The following LRMDA variants were observed in gnomAD, a reference collection of about 807,000 sequenced individuals.
LRMDA encodes leucine-rich melanocyte differentiation-associated protein.
LRMDA carries 18 observed loss-of-function variants against 29.8 expected under a neutral mutation model. The observed-to-expected ratio is 0.60, with a 90% CI of 0.42 to 0.90. The LOEUF (loss-of-function observed/expected upper bound fraction) is 0.90. Among genes scored for constraint, LRMDA ranks in the 40% least tolerant of loss-of-function variants. LRMDA has a pLI of 0.00. For synonymous variants in LRMDA, 125 were observed against 109.4 expected, an observed-to-expected ratio of 1.14 and a Z score of -0.89; for missense variants, 273 against 273.9, an observed-to-expected ratio of 1.00 and a Z score of 0.02.
intron 2 of LRMDA, among the ~76,000 whole-genome samples, chr10:75,846,515 G>A (rs1485036566): frequency 1.3e-5 from 2 of 152,140 alleles, no homozygotes; most frequent in African/African-American, 4.8e-5. Context: ...GCTCAAGGTG[G>A]TCATAGCACT....
chr10:76,275,199 T>A (rs1344259089), intron 5 of LRMDA, among the ~76,000 whole-genome samples: 2 of 152,096 alleles, frequency 1.3e-5, no homozygotes, highest in African/African-American at 4.8e-5. Context: ...CATTGTTTCC[T>A]TGTATTGAAT....
chr10:75,779,782 C>A (rs1589197673), intron 2 of LRMDA, among the ~76,000 whole-genome samples: 1 of 152,142 alleles, frequency 6.6e-6, no homozygotes, highest in African/African-American at 2.4e-5. Context: ...GATCATGAGA[C>A]CTCCAAGGTT....
chr10:75,705,080 T>C (rs1842350645), intron 2 of LRMDA, among the ~76,000 whole-genome samples: 1 of 152,170 alleles, frequency 6.6e-6, no homozygotes, highest in Admixed American at 6.5e-5. Context: ...AATTTGTTGT[T>C]GTTATTGCTA....
At chr10:75,797,845 C>T (rs1018161125) in intron 2 of LRMDA, among the ~76,000 whole-genome samples, 30 of 152,146 alleles carry the variant, frequency 2.0e-4, no homozygotes, top group African/African-American at 7.2e-4. Flanking sequence ...CTTGTGTTGA[C>T]ATATATTTCA....
At chr10:75,868,249 A>G (rs1845052307) in intron 2 of LRMDA, among the ~76,000 whole-genome samples, 1 of 152,200 alleles carries the variant, frequency 6.6e-6, no homozygotes, top group Non-Finnish European at 1.5e-5. Context: ...AATGAAGACA[A>G]TGCTGGGCTC....
chr10:75,678,437 G>C (rs1589155056), intron 2 of LRMDA, among the ~76,000 whole-genome samples: 2 of 152,278 alleles, frequency 1.3e-5, no homozygotes, highest in South Asian at 2.1e-4. Flanking sequence ...AATAGAATTA[G>C]TCACTTTCTA....
At chr10:75,975,672 C>T (rs1847057352) in intron 2 of LRMDA, among the ~76,000 whole-genome samples, 1 of 152,150 alleles carries the variant, frequency 6.6e-6, no homozygotes, top group Admixed American at 6.5e-5. Context: ...GTCACATCTT[C>T]CTTTGATTCT....
intron 2 of LRMDA, among the ~76,000 whole-genome samples, chr10:75,627,908 T>C (rs917901931): frequency 6.6e-6 from 1 of 152,224 alleles, no homozygotes; most frequent in Non-Finnish European, 1.5e-5. Flanking sequence ...ATGTTTGCAA[T>C]TGCTTGTTTT....
intron 2 of LRMDA, among the ~76,000 whole-genome samples, chr10:75,795,317 C>T (rs1024845798): frequency 1.3e-5 from 2 of 152,116 alleles, no homozygotes; most frequent in South Asian, 4.1e-4. Flanking sequence ...TTGCTTGAAC[C>T]TGGGAGGTGG....
intron 6 of LRMDA, among the ~76,000 whole-genome samples, chr10:76,388,668 G>C (rs1200567713): frequency 1.3e-5 from 2 of 152,230 alleles, no homozygotes; most frequent in Non-Finnish European, 2.9e-5. Context: ...TGATTCAAGG[G>C]AAGGGGACAC....
In LRMDA at chr10:76,147,646, C is replaced by T. The variant is rs535802038; in HGVS notation, c.516+88863C>T. Among the ~76,000 whole-genome samples, 962 of 151,956 alleles carry T rather than the reference C, an allele frequency of 6.3e-3. 11 individuals are homozygous for T. The highest frequency in any genetic ancestry group is 0.021 in the African/African-American group (889 of 41,432). ...TTGGTTCGAATTTCCTCCTGTAGCT[C>T]AGAGTAGTTTGATCGTCTGAAGCCT... On this transcript the variant is annotated intron_variant, in intron 5 of 6. Coordinates refer to ENST00000611255, the MANE Select transcript of LRMDA (RefSeq NM_001305581.2).
At chr10:76,284,472 A>G (rs1480498746) in intron 5 of LRMDA, among the ~76,000 whole-genome samples, 1 of 152,110 alleles carries the variant, frequency 6.6e-6, no homozygotes, top group Non-Finnish European at 1.5e-5. Context: ...CCTTTTTCAG[A>G]CATCTGACCT....
intron 2 of LRMDA, among the ~76,000 whole-genome samples, chr10:75,562,765 A>G (rs919057520): frequency 9.2e-5 from 14 of 152,152 alleles, no homozygotes; most frequent in Middle Eastern, 3.4e-3. Flanking sequence ...TCTGTAAAGT[A>G]TTTTATTTCT....
chr10:76,016,176 A>G lies in LRMDA; in HGVS notation c.132-19832A>G, dbSNP rs537034803. On this transcript the variant is annotated intron_variant, in intron 2 of 6. Transcript: ENST00000611255. ...AATACTTCAGATAAAAGCAACTGCAATGGAGGTTTTATTTAAATATATGTT... is the reference window on the plus strand; with the variant it reads ...AATACTTCAGATAAAAGCAACTGCAGTGGAGGTTTTATTTAAATATATGTT... Among the ~76,000 whole-genome samples the G allele has an allele frequency of 3.9e-5, 6 of 152,326 alleles. No individual in the cohort carries two copies. The East Asian group carries it at 1.2e-3, about 29-fold the overall frequency.
chr10:75,797,245 G>A (rs1436686144), intron 2 of LRMDA, among the ~76,000 whole-genome samples: 2 of 151,890 alleles, frequency 1.3e-5, no homozygotes, highest in East Asian at 1.9e-4. Context: ...GAATTTATTC[G>A]CATAGAATTA....
intron 2 of LRMDA, among the ~76,000 whole-genome samples, chr10:75,625,447 A>G (rs1296940398): frequency 1.3e-5 from 2 of 152,142 alleles, no homozygotes; most frequent in East Asian, 3.9e-4. Flanking sequence ...GCATCTCAGA[A>G]TGAGATATTC....
At chr10:75,691,262 G>GTGTA (rs1842153212) in intron 2 of LRMDA, among the ~76,000 whole-genome samples, 1 of 141,088 alleles carries the variant, frequency 7.1e-6, no homozygotes, top group African/African-American at 2.6e-5. Context: ...ATGTATATGT[G>GTGTA]TATATATATA....
chr10:76,344,939 AG>A (rs1231585388), intron 6 of LRMDA, among the ~76,000 whole-genome samples: 2 of 151,892 alleles, frequency 1.3e-5, no homozygotes, highest in African/African-American at 4.8e-5. Flanking sequence ...CTGAAAAAAA[AG>A]CATAAGATAA....
intron 2 of LRMDA, chr10:75,552,421 T>C (rs993855466): frequency 3.5e-6 from 1 of 287,992 alleles, no homozygotes; most frequent in South Asian, 2.8e-5. Context: ...GTGTTTTTTT[T>C]TTTTCCCCCC....
Sources: gnomAD v4.1 joint callset for allele counts (sites outside exome capture counted in the v4.1 genomes callset) on GRCh38, gnomAD v4.1.1 for gene constraint, MANE v1.5 for transcripts, NCBI Gene and HGNC (gene_info 2026-07-23, HGNC 2026-07-21) for gene names.